The following SPCS2 variants were observed in gnomAD, a reference collection of about 807,000 sequenced individuals.
SPCS2 encodes the protein SPase 25 kDa subunit.
Under a neutral mutation model 22.3 loss-of-function variants are expected in SPCS2, and 3 were observed. The ratio of observed to expected loss-of-function variants is 0.13; its 90% CI spans 0.06 to 0.35. SPCS2 has a LOEUF of 0.35. Among genes scored for constraint, SPCS2 ranks in the 10% least tolerant of loss-of-function variants. SPCS2 has a pLI of 1.00. For missense variants in SPCS2, 169 were observed against 280.9 expected, an observed-to-expected ratio of 0.60 and a Z score of 2.85; for synonymous variants, 67 against 97.2, an observed-to-expected ratio of 0.69 and a Z score of 1.83.
At chr11:74,965,216 C>T (rs1948536752) in intron 2 of SPCS2, 99 bp downstream of exon 2, 1 of 791,040 alleles carries the variant, frequency 1.3e-6, no homozygotes, top group Non-Finnish European at 2.0e-6. Flanking sequence ...CCTTAGTTTT[C>T]AGTGTTAGAA....
intron 2 of SPCS2, among the ~76,000 whole-genome samples, chr11:74,965,539 G>C (rs998788200): frequency 6.6e-6 from 1 of 152,080 alleles, no homozygotes; most frequent in East Asian, 1.9e-4. Flanking sequence ...TTTAGCTGTG[G>C]GAAAAGTTGA....
chr11:74,963,533 TTTTA>T (rs979320261), intron 1 of SPCS2: 1 of 412,086 alleles, frequency 2.4e-6, no homozygotes, highest in African/African-American at 2.1e-5. Context: ...CCATCTCTTA[TTTTA>T]TTTTTTATTG....
chr11:74,961,740 C>T (rs534463750), intron 1 of SPCS2, among the ~76,000 whole-genome samples: 8 of 152,100 alleles, frequency 5.3e-5, no homozygotes, highest in Non-Finnish European at 8.8e-5. Flanking sequence ...GTTGGCCAGG[C>T]TGGTCTCGGA....
At chr11:74,972,460 C>G (rs901773284) in intron 4 of SPCS2, among the ~76,000 whole-genome samples, 2 of 152,174 alleles carry the variant, frequency 1.3e-5, no homozygotes, top group African/African-American at 4.8e-5. Context: ...TGGGCCCGCC[C>G]CCTCCTCCAA....
chr11:74,964,913 A>G, intron 1 of SPCS2, 121 bp from the exon 2 acceptor site: 2 of 645,742 alleles, frequency 3.1e-6, no homozygotes, highest in Non-Finnish European at 5.2e-6. Context: ...TAGTTCTGCA[A>G]CATCAGAAGA....
intron 1 of SPCS2, chr11:74,949,741 G>T (rs1948334103): frequency 2.3e-6 from 1 of 440,190 alleles, no homozygotes; most frequent in Admixed American, 2.5e-5. Flanking sequence ...CACAGACACG[G>T]AAAACCGAAG....
At chr11:74,967,743 G>C (rs998054427) in intron 3 of SPCS2, among the ~76,000 whole-genome samples, 1 of 152,162 alleles carries the variant, frequency 6.6e-6, no homozygotes, top group African/African-American at 2.4e-5. Flanking sequence ...GCAAGACTCT[G>C]TCTCAAAATA....
At chr11:74,960,742 A>C (rs910527370) in intron 1 of SPCS2, among the ~76,000 whole-genome samples, 5 of 152,040 alleles carry the variant, frequency 3.3e-5, no homozygotes, top group Non-Finnish European at 7.4e-5. Flanking sequence ...TTAAACCCTT[A>C]GTGTTATCTG....
At chr11:74,971,398 T>C (rs187142299) in intron 4 of SPCS2, among the ~76,000 whole-genome samples, 1 of 152,378 alleles carries the variant, frequency 6.6e-6, no homozygotes, top group Admixed American at 6.5e-5. Context: ...ATGCTAACTC[T>C]CTTTGTTTGA....
intron 4 of SPCS2, among the ~76,000 whole-genome samples, chr11:74,972,962 G>T (rs1320194328): frequency 1.3e-5 from 2 of 150,310 alleles, no homozygotes; most frequent in Non-Finnish European, 3.0e-5. Context: ...GTAAACTACC[G>T]CAAGAACAAA....
Position 74,978,223 on chromosome 11 carries a change from A to G in SPCS2, c.*1180A>G, listed in dbSNP as rs932260876. On this transcript the variant is annotated 3_prime_UTR_variant, in exon 5 of 5. Transcript: ENST00000263672. ...TTCCCTACAGCCTTACAAAACATCAATTTTGGCTGAGCCTAGTACCCAACA... is the reference window on the plus strand; with the variant it reads ...TTCCCTACAGCCTTACAAAACATCAGTTTTGGCTGAGCCTAGTACCCAACA... 2.0e-5 allele frequency: 3 copies of G among 152,286 alleles called. No homozygotes were observed. Among genetic ancestry groups the G allele is most frequent in the South Asian group, 2.1e-4 (1 of 4,820 alleles). 9.4% of individuals were successfully genotyped at this position (152,286 alleles called of 1,614,324 possible).
rs1555115679 is a variant in SPCS2, at chr11:74,955,851, A to AATATACATATAT, written c.114+6457_114+6458insCATATATATATA. Among the ~76,000 whole-genome samples the AATATACATATAT allele has an allele frequency of 2.2e-4, 12 of 55,602 alleles. 1 individual carries two copies. Among genetic ancestry groups the AATATACATATAT allele is most frequent in the African/African-American group, 5.5e-4 (12 of 21,628 alleles). 36.5% of individuals were successfully genotyped at this position (55,602 alleles called of 152,430 possible). A position where few individuals can be genotyped will look rare whatever the true frequency, so the allele number is the denominator to read the frequency against. ...TACTATTACTTTAATTACTAATTAA[A>AATATACATATAT]ATATATATATATATATATATATATA... On this transcript the variant is annotated intron_variant, in intron 1 of 4. Coordinates refer to ENST00000263672, the MANE Select transcript of SPCS2 (RefSeq NM_014752.3).
chr11:74,971,260 G>A (rs1687615207), intron 4 of SPCS2, among the ~76,000 whole-genome samples: 1 of 152,210 alleles, frequency 6.6e-6, no homozygotes, highest in South Asian at 2.1e-4. Flanking sequence ...TTTGTTGACA[G>A]ACATTTGGGT....
intron 1 of SPCS2, among the ~76,000 whole-genome samples, chr11:74,954,586 C>G (rs143123455): frequency 6.6e-6 from 1 of 152,150 alleles, no homozygotes. Flanking sequence ...GCCCTGTTAC[C>G]TAGCTCTGAC....
chr11:74,970,042 T>C (rs1948574701), intron 4 of SPCS2, among the ~76,000 whole-genome samples: 1 of 152,230 alleles, frequency 6.6e-6, no homozygotes, highest in East Asian at 1.9e-4. Flanking sequence ...TATGATCCTG[T>C]CTTCTCTCCA....
chr11:74,969,410 A>T (rs567365663), intron 3 of SPCS2, among the ~76,000 whole-genome samples, 155 bp from the exon 4 acceptor site: 1 of 152,334 alleles, frequency 6.6e-6, no homozygotes, highest in African/African-American at 2.4e-5. Flanking sequence ...AAACATAAGG[A>T]TGAAAATGAA....
At position 74,969,559 on chromosome 11, in the gene SPCS2, T is replaced by G. The variant is rs749921945; in HGVS notation, c.360-6T>G. 3.1e-6 allele frequency: 5 copies of G among 1,612,752 alleles called. No individual in the cohort carries two copies. In the Admixed American group the frequency reaches 8.4e-5, roughly 27 times the overall value. On this transcript the variant is annotated splice_region_variant and splice_polypyrimidine_tract_variant and intron_variant, in intron 3 of 4. Transcript: ENST00000263672. ...TTGGGTATTTTCCCCTTAACTTTAT[T>G]TGAACCTATTTTGTGATGATGGGGA...
At chr11:74,974,983 G>T (rs2140222181) in intron 4 of SPCS2, among the ~76,000 whole-genome samples, 1 of 152,210 alleles carries the variant, frequency 6.6e-6, no homozygotes, top group South Asian at 2.1e-4. Flanking sequence ...AGGACAGCAA[G>T]CAAAGTGATC....
chr11:74,949,687 C>T (rs776153251), intron 1 of SPCS2: 3 of 481,672 alleles, frequency 6.2e-6, no homozygotes, highest in South Asian at 3.1e-5. Flanking sequence ...GTGTCCATCT[C>T]TTTTCTCCTG....
Sources: allele counts gnomAD v4.1 joint callset (sites outside exome capture counted in the v4.1 genomes callset), GRCh38; gene constraint gnomAD v4.1.1; transcripts MANE v1.5; gene names NCBI Gene and HGNC (gene_info 2026-07-23, HGNC 2026-07-21).